ADGRB3: variants seen among roughly 807,000 people sequenced by gnomAD.
The protein encoded by ADGRB3 is adhesion G protein-coupled receptor B3.
Under a neutral mutation model 193.4 loss-of-function variants are expected in ADGRB3, and 37 were observed. The observed-to-expected ratio is 0.19, with a 90% CI of 0.15 to 0.25. The LOEUF (loss-of-function observed/expected upper bound fraction) is 0.25. ADGRB3 is among the 10% of genes least tolerant of loss of function. The pLI, the probability that ADGRB3 is intolerant of heterozygous loss-of-function variation, is 1.00. For synonymous variants in ADGRB3, 690 were observed against 644.2 expected (o/e 1.07, Z -1.08); for missense variants, 1,637 against 1,852.9 (o/e 0.88, Z 2.14).
chr6:68,960,891 A>T (rs376187846), intron 8 of ADGRB3, among the ~76,000 whole-genome samples: 1 of 152,140 alleles, frequency 6.6e-6, no homozygotes, highest in East Asian at 1.9e-4. Flanking sequence ...TGGTCTGCAA[A>T]TCATCCTTTC....
intron 3 of ADGRB3, among the ~76,000 whole-genome samples, chr6:68,862,064 C>A (rs1464277189): frequency 6.6e-6 from 1 of 151,992 alleles, no homozygotes; most frequent in Non-Finnish European, 1.5e-5. Context: ...AACTTCAGAG[C>A]TCTTATTTCA....
chr6:68,796,896 C>G (rs546799274), intron 3 of ADGRB3, among the ~76,000 whole-genome samples: 1 of 152,258 alleles, frequency 6.6e-6, no homozygotes, highest in South Asian at 2.1e-4. Flanking sequence ...GTATATCCTA[C>G]TTTGCAAAAT....
chr6:68,757,770 C>G (rs1766324466), intron 3 of ADGRB3, among the ~76,000 whole-genome samples: 1 of 151,908 alleles, frequency 6.6e-6, no homozygotes, highest in Non-Finnish European at 1.5e-5. Flanking sequence ...TTATTGTGTC[C>G]CTAGAAAACT....
At chr6:69,278,081 T>C (rs1369392590) in intron 20 of ADGRB3, among the ~76,000 whole-genome samples, 5 of 152,252 alleles carry the variant, frequency 3.3e-5, no homozygotes, top group African/African-American at 9.6e-5. Context: ...TGATTCTTTC[T>C]GAACATGCCT....
chr6:68,656,991 G>A (rs908180829), intron 3 of ADGRB3, among the ~76,000 whole-genome samples: 3 of 151,462 alleles, frequency 2.0e-5, no homozygotes, highest in Non-Finnish European at 4.4e-5. Flanking sequence ...AATCTAAAAC[G>A]TTGTTTTAGG....
At chr6:69,207,765 G>A (rs772607142) in intron 17 of ADGRB3, among the ~76,000 whole-genome samples, 12 of 152,170 alleles carry the variant, frequency 7.9e-5, no homozygotes, top group Non-Finnish European at 1.6e-4. Context: ...TTCCATGAGC[G>A]TGAGCCTGTT....
At chr6:68,778,700 T>G (rs912819333) in intron 3 of ADGRB3, among the ~76,000 whole-genome samples, 3 of 151,934 alleles carry the variant, frequency 2.0e-5, no homozygotes, top group African/African-American at 7.2e-5. Context: ...CCTGCGTGTT[T>G]GTCAGTTTTT....
At chr6:69,094,676 T>A (rs903368090) in intron 17 of ADGRB3, among the ~76,000 whole-genome samples, 4 of 152,204 alleles carry the variant, frequency 2.6e-5, no homozygotes, top group Non-Finnish European at 5.9e-5. Context: ...TCTTCATGGT[T>A]GGCTATCTAT....
chr6:69,116,433 G>A (rs1437603916), intron 17 of ADGRB3, among the ~76,000 whole-genome samples: 1 of 151,960 alleles, frequency 6.6e-6, no homozygotes, highest in Non-Finnish European at 1.5e-5. Context: ...CTGGATTTAG[G>A]TTTTCTCACA....
chr6:69,050,452 G>T (rs1466032345), intron 15 of ADGRB3, among the ~76,000 whole-genome samples: 3 of 152,066 alleles, frequency 2.0e-5, no homozygotes, highest in Admixed American at 6.6e-5. Flanking sequence ...ATCTATTTGT[G>T]TTTGTGTTTT....
chr6:69,261,985 C>T (rs1766940239), intron 20 of ADGRB3, among the ~76,000 whole-genome samples: 1 of 151,984 alleles, frequency 6.6e-6, no homozygotes, highest in South Asian at 2.1e-4. Flanking sequence ...TCAACATTAG[C>T]ATGCTTTGCC....
intron 3 of ADGRB3, among the ~76,000 whole-genome samples, chr6:68,928,741 A>C (rs1163214661): frequency 6.6e-6 from 1 of 152,118 alleles, no homozygotes; most frequent in Non-Finnish European, 1.5e-5. Context: ...CAGTGCCAAA[A>C]TTACCTTAGT....
chr6:68,718,909 G>A (rs2746137), intron 3 of ADGRB3, among the ~76,000 whole-genome samples: 59,673 of 151,538 alleles, frequency 0.39, 12,273 homozygotes, highest in East Asian at 0.64. Flanking sequence ...CCTTTGCGCT[G>A]TAACAGCAGA....
chr6:68,984,946 G>A (rs1769028825), intron 10 of ADGRB3, among the ~76,000 whole-genome samples: 1 of 151,978 alleles, frequency 6.6e-6, no homozygotes, highest in Non-Finnish European at 1.5e-5. Flanking sequence ...TTAGCTAAGA[G>A]TGAGGATTTA....
At chr6:69,293,698 G>T (rs1251539030) in intron 20 of ADGRB3, among the ~76,000 whole-genome samples, 2 of 152,082 alleles carry the variant, frequency 1.3e-5, no homozygotes, top group Admixed American at 1.3e-4. Flanking sequence ...CAGCCTCTTG[G>T]CTACCTTGTG....
intron 3 of ADGRB3, among the ~76,000 whole-genome samples, chr6:68,929,821 G>A (rs190150958): frequency 1.2e-3 from 181 of 151,816 alleles, no homozygotes; most frequent in Admixed American, 2.5e-3. Flanking sequence ...ATTTGTTCCC[G>A]AATTAGTACC....
chr6:68,765,514 C>A (rs896429447), intron 3 of ADGRB3, among the ~76,000 whole-genome samples: 3 of 146,126 alleles, frequency 2.1e-5, no homozygotes, highest in African/African-American at 7.6e-5. Flanking sequence ...AAAAACCTTT[C>A]TTGTCCTGTA....
In ADGRB3 at chr6:69,114,052, A is replaced by C. The variant is rs1168815630; in HGVS notation, c.2480+38014A>C. On this transcript the variant is annotated intron_variant, in intron 17 of 31. Transcript: ENST00000370598. ...CCAAAGAATGAGATTCTGGGAGGGC[A>C]AAATCGAGTATCCCAATAACATCTT... Among the ~76,000 whole-genome samples, 3 of 152,322 alleles carry C rather than the reference A, an allele frequency of 2.0e-5. No homozygotes were observed. The East Asian group carries it at 5.8e-4, about 29-fold the overall frequency.
At chr6:69,280,405 GT>G (rs1410740049) in intron 20 of ADGRB3, among the ~76,000 whole-genome samples, 1 of 152,152 alleles carries the variant, frequency 6.6e-6, no homozygotes, top group Non-Finnish European at 1.5e-5. Context: ...TTATATTGTG[GT>G]TGAAAGCAAA....
Sources: allele counts gnomAD v4.1 joint callset (sites outside exome capture counted in the v4.1 genomes callset), GRCh38; gene constraint gnomAD v4.1.1; transcripts MANE v1.5; gene names NCBI Gene and HGNC (gene_info 2026-07-23, HGNC 2026-07-21).